EWSR1: variants seen among roughly 807,000 people sequenced by gnomAD.
EWSR1 encodes the protein RNA-binding protein EWS.
A neutral mutation model predicts 92.1 loss-of-function variants in EWSR1; 14 were observed. The observed-to-expected ratio is 0.15, with a 90% CI of 0.10 to 0.24. The LOEUF is 0.24. EWSR1 is among the 10% of genes least tolerant of loss of function. The pLI is 1.00. For synonymous variants in EWSR1, 303 were observed against 292.9 expected, an observed-to-expected ratio of 1.03 and a Z score of -0.35; for missense variants, 637 against 870.9, an observed-to-expected ratio of 0.73 and a Z score of 3.38.
intron 13 of EWSR1, 34 bp from the exon 14 acceptor site, chr22:29,298,699 A>G (rs1274593560): frequency 1.9e-6 from 3 of 1,611,606 alleles, no homozygotes; most frequent in Admixed American, 3.3e-5. Context: ...GCTACAGAGA[A>G]ATGATTTGCT....
In EWSR1 at chr22:29,278,191, C is replaced by G. The variant is rs762797076; in HGVS notation, c.388C>G (p.Gln130Glu). ...GCCTGCTTATCCAGCCTATGGGCAG[C>G]AGCCAGCAGCCACTGCACCTACAAG... is the stretch of plus-strand genomic sequence containing the variant. ...TQPAYPAYGQ[Q>E]PAATAPTRPQ... The change falls in exon 5 of 17, where the codon CAG becomes GAG. Residue 130 changes from glutamine (Q) to glutamate (E), a missense_variant. Gln to Glu is a conservative substitution (Grantham distance 29). Around this residue, in one of 5 missense-constraint regions of EWSR1, gnomAD observed 144 missense variants for 189.0 expected, o/e 0.76. Transcript: ENST00000397938. 1 of 1,613,694 alleles carries G rather than the reference C, an allele frequency of 6.2e-7. No individual in the cohort carries two copies. Among genetic ancestry groups the G allele is most frequent in the Non-Finnish European group, 8.5e-7 (1 of 1,179,960 alleles).
intron 9 of EWSR1, 96 bp downstream of exon 9, chr22:29,291,695 A>T (rs1451134224): frequency 1.8e-5 from 21 of 1,198,820 alleles, no homozygotes; most frequent in Non-Finnish European, 2.1e-5. Context: ...TAAGTGGTTT[A>T]AAAATGATCT....
intron 6 of EWSR1, 63 bp from the exon 7 acceptor site, chr22:29,286,860 G>T (rs1310371114): frequency 4.7e-6 from 6 of 1,276,960 alleles, no homozygotes; most frequent in South Asian, 1.3e-5. Flanking sequence ...TTATTCAGGG[G>T]ATTTGAAATA....
chr22:29,299,423 C>T (rs568342551), intron 15 of EWSR1, 92 bp downstream of exon 15: 54 of 1,525,562 alleles, frequency 3.5e-5, no homozygotes, highest in Admixed American at 1.3e-4. Flanking sequence ...TTGCCCTCTG[C>T]TTAACAACTT....
Position 29,269,825 on chromosome 22 carries a change from T to C in EWSR1, c.13+1476T>C, listed in dbSNP as rs1438856579. Among the ~76,000 whole-genome samples, 11 of 152,222 alleles carry C rather than the reference T, an allele frequency of 7.2e-5. 1 individual carries two copies. On this transcript the variant is annotated intron_variant, in intron 1 of 16. Coordinates refer to ENST00000397938, the MANE Select transcript of EWSR1 (RefSeq NM_005243.4). ...TGCAAAAGCCTGAAAAGGCAAAACG[T>C]GTGCGTTGACATTTTTGCGTGGCTG... is the stretch of plus-strand genomic sequence containing the variant.
intron 4 of EWSR1, among the ~76,000 whole-genome samples, chr22:29,274,081 A>G (rs780459780): frequency 6.6e-6 from 1 of 152,228 alleles, no homozygotes; most frequent in Non-Finnish European, 1.5e-5. Context: ...CAAGAGAGAA[A>G]AGAACTTTTA....
chr22:29,272,045 C>T (rs1016924834), intron 1 of EWSR1, among the ~76,000 whole-genome samples, 171 bp from the exon 2 acceptor site: 2 of 152,024 alleles, frequency 1.3e-5, no homozygotes, highest in African/African-American at 4.8e-5. Context: ...CTGGTTTAGA[C>T]TTTTTTTTCT....
chr22:29,299,431 C>G lies in EWSR1; in HGVS notation c.1678+100C>G, dbSNP rs75648643. ...ACTGCAGTTGCCCTCTGCTTAACAACTTTGAGTTGTCGTGTCCTCATTTCT... is the reference window on the plus strand; with the variant it reads ...ACTGCAGTTGCCCTCTGCTTAACAAGTTTGAGTTGTCGTGTCCTCATTTCT... On this transcript the variant is annotated intron_variant, in intron 15 of 16. Coordinates refer to ENST00000397938, the MANE Select transcript of EWSR1 (RefSeq NM_005243.4). 3.3e-6 allele frequency: 5 copies of G among 1,517,528 alleles called. No homozygotes were observed. In the East Asian group the frequency reaches 1.1e-4, roughly 35 times the overall value. 94.0% of individuals were successfully genotyped at this position (1,517,528 alleles called of 1,614,324 possible).
chr22:29,277,804 T>C (rs570373809), intron 4 of EWSR1: 46 of 494,584 alleles, frequency 9.3e-5, no homozygotes, highest in Middle Eastern at 4.5e-4. Context: ...CTGTTAGGTG[T>C]GGTTTTAGAG....
At chr22:29,280,800 A>G (rs573797246) in intron 5 of EWSR1, among the ~76,000 whole-genome samples, 1 of 133,088 alleles carries the variant, frequency 7.5e-6, no homozygotes, top group South Asian at 2.5e-4. Context: ...CAGCCTCCTG[A>G]GTAGCTGGGA....
At chr22:29,300,067 G>A in intron 16 of EWSR1, 55 bp from the exon 17 acceptor site, 1 of 1,529,050 alleles carries the variant, frequency 6.5e-7, no homozygotes, top group South Asian at 1.2e-5. Context: ...GGGGGCTCTG[G>A]AAGGGCTTCC....
intron 6 of EWSR1, among the ~76,000 whole-genome samples, chr22:29,284,073 A>AT (rs2059830437): frequency 6.6e-6 from 1 of 151,208 alleles, no homozygotes; most frequent in South Asian, 2.1e-4. Flanking sequence ...TCCTCAGGTG[A>AT]TCCGCCTGCC....
chr22:29,288,671 G>A lies in EWSR1; in HGVS notation c.859G>A (p.Gly287Arg), dbSNP rs777901369. The A allele has an allele frequency of 4.3e-6, 7 of 1,613,776 alleles. No homozygotes were observed. Among genetic ancestry groups the A allele is most frequent in the South Asian group, 1.1e-5 (1 of 91,068 alleles). ...TGGGCAGGAGTCTGGAGGATTTTCCGGACCAGGAGAGAACCGGAGCATGAG... is the reference window on the plus strand; with the variant it reads ...TGGGCAGGAGTCTGGAGGATTTTCCAGACCAGGAGAGAACCGGAGCATGAG... ...VYGQESGGFSGPGENRSMSGP... is the reference protein window; with the variant it reads ...VYGQESGGFSRPGENRSMSGP... Residue 287 changes from glycine (G) to arginine (R), a missense_variant, in exon 8 of 17, where the codon GGA becomes AGA. This residue lies in a region of EWSR1 where 116 missense variants were observed against 167.8 expected (regional missense o/e 0.69). Coordinates refer to ENST00000397938, the MANE Select transcript of EWSR1 (RefSeq NM_005243.4).
chr22:29,272,465 T>G lies in EWSR1; in HGVS notation c.102+34T>G, dbSNP rs542135443. 20 of 1,594,046 alleles carry G rather than the reference T, an allele frequency of 1.3e-5. No individual in the cohort carries two copies. The South Asian group carries it at 2.1e-4, about 17-fold the overall frequency. ...TAAAATAATTACATGTAGCTGCACC[T>G]CCAAGTAAAATCAGTATATTATCCA... On this transcript the variant is annotated intron_variant, in intron 3 of 16. Transcript: ENST00000397938.
intron 5 of EWSR1, among the ~76,000 whole-genome samples, chr22:29,278,973 C>A (rs1228006463): frequency 6.7e-6 from 1 of 149,376 alleles, no homozygotes; most frequent in Non-Finnish European, 1.5e-5. Context: ...CTAGCCTGGG[C>A]GACAGAGGAA....
At chr22:29,300,049 G>A in intron 16 of EWSR1, 73 bp from the exon 17 acceptor site, 2 of 868,482 alleles carry the variant, frequency 2.3e-6, no homozygotes, top group Non-Finnish European at 3.0e-6. Flanking sequence ...AGCCAGGAAG[G>A]GGCACCTGGG....
chr22:29,273,276 AT>A (rs112254547), intron 3 of EWSR1, among the ~76,000 whole-genome samples: 1 of 152,072 alleles, frequency 6.6e-6, no homozygotes, highest in African/African-American at 2.4e-5. Flanking sequence ...CTGGTTTTCA[AT>A]TTTTTCTGAC....
chr22:29,297,552 G>T (rs1311780010), intron 12 of EWSR1, among the ~76,000 whole-genome samples: 1 of 152,050 alleles, frequency 6.6e-6, no homozygotes, highest in Non-Finnish European at 1.5e-5. Flanking sequence ...AAATTAGTCG[G>T]GCATGGTGAT....
At chr22:29,290,179 T>C in intron 8 of EWSR1, 1 of 409,896 alleles carries the variant, frequency 2.4e-6, no homozygotes, top group East Asian at 3.7e-5. Flanking sequence ...GCTTTCCCCA[T>C]AGGTTTTTCA....
Sources: gnomAD v4.1 joint callset for allele counts (sites outside exome capture counted in the v4.1 genomes callset) on GRCh38, gnomAD v4.1.1 for gene constraint, gnomAD v4.1.1 regional missense constraint, MANE v1.5 for transcripts, NCBI Gene and HGNC (gene_info 2026-07-23, HGNC 2026-07-21) for gene names.